The following RNF13 variants were observed in gnomAD, a reference collection of about 807,000 sequenced individuals.
RNF13 encodes E3 ubiquitin-protein ligase RNF13.
A neutral mutation model predicts 37.7 loss-of-function variants in RNF13; 19 were observed. That is an observed-to-expected ratio of 0.50 (90% CI 0.35 to 0.74). The LOEUF (loss-of-function observed/expected upper bound fraction) is 0.74, where lower values mean the gene tolerates loss of function less well. Ranked by LOEUF, RNF13 falls within the 30% of genes least tolerant of loss-of-function variation. The probability of loss-of-function intolerance (pLI) is 0.01; values close to 1 mark genes in which losing one functional copy is unlikely to be tolerated. For synonymous variants in RNF13, 144 were observed against 157.8 expected, an observed-to-expected ratio of 0.91 and a Z score of 0.65; for missense variants, 375 against 453.0, an observed-to-expected ratio of 0.83 and a Z score of 1.56.
chr3:149,814,420 G>A (rs1719211345), intron 1 of RNF13: 1 of 152,184 alleles, frequency 6.6e-6, no homozygotes, highest in African/African-American at 2.4e-5. Flanking sequence ...ACTGGACAGT[G>A]ATAGCAATTA....
chr3:149,958,676 ACTAT>A (rs1481314394), intron 8 of RNF13, among the ~76,000 whole-genome samples: 4 of 152,222 alleles, frequency 2.6e-5, no homozygotes, highest in Non-Finnish European at 4.4e-5. Context: ...GAATTGCATA[ACTAT>A]CTGTCCTCAA....
intron 3 of RNF13, among the ~76,000 whole-genome samples, chr3:149,860,384 A>G (rs1183114807): frequency 6.6e-6 from 1 of 151,080 alleles, no homozygotes; most frequent in African/African-American, 2.4e-5. Flanking sequence ...ACAAGGCTGT[A>G]AGAACCAAAA....
intron 8 of RNF13, among the ~76,000 whole-genome samples, chr3:149,931,152 T>G (rs1313783687): frequency 1.3e-5 from 2 of 152,040 alleles, no homozygotes; most frequent in Non-Finnish European, 2.9e-5. Context: ...CAGCCTCGAC[T>G]TCCCAGGCTC....
chr3:149,945,734 T>C (rs1720709239), intron 8 of RNF13, among the ~76,000 whole-genome samples: 1 of 152,118 alleles, frequency 6.6e-6, no homozygotes. Context: ...GGAGGAACAA[T>C]CTGGCAGCAC....
intron 4 of RNF13, among the ~76,000 whole-genome samples, chr3:149,889,204 T>C (rs1714389770): frequency 6.6e-6 from 1 of 151,232 alleles, no homozygotes; most frequent in Non-Finnish European, 1.5e-5. Context: ...CCCAAAGTGC[T>C]GGGATTACAG....
chr3:149,908,347 T>C (rs1252871398), intron 6 of RNF13, among the ~76,000 whole-genome samples: 1 of 152,086 alleles, frequency 6.6e-6, no homozygotes, highest in African/African-American at 2.4e-5. Context: ...AAATGAAGAG[T>C]TAGAACAAAG....
At chr3:149,853,922 C>T (rs1283579151) in intron 3 of RNF13, among the ~76,000 whole-genome samples, 2 of 150,766 alleles carry the variant, frequency 1.3e-5, no homozygotes, top group African/African-American at 2.4e-5. Flanking sequence ...CTGCAACGTC[C>T]GCCTTCTGGG....
At position 149,954,648 on chromosome 3, in the gene RNF13, G is replaced by A. The variant is rs143986710; in HGVS notation, c.701-5408G>A. Among the ~76,000 whole-genome samples, 7 of 152,246 alleles carry A rather than the reference G, an allele frequency of 4.6e-5. No individual in the cohort carries two copies. In the East Asian group the frequency reaches 1.3e-3, roughly 29 times the overall value. ...ACTTTCCTATTTACCACACTTTGGGGACAGGATCTTAAATCTTCCTATCTT... is the reference window on the plus strand; with the variant it reads ...ACTTTCCTATTTACCACACTTTGGGAACAGGATCTTAAATCTTCCTATCTT... On this transcript the variant is annotated intron_variant, in intron 8 of 9. Coordinates refer to ENST00000392894, the MANE Select transcript of RNF13 (RefSeq NM_183381.3).
In RNF13 at chr3:149,882,449, T is replaced by C. The variant is rs1043613557; in HGVS notation, c.321+10295T>C. On this transcript the variant is annotated intron_variant, in intron 4 of 9. Coordinates refer to ENST00000392894, the MANE Select transcript of RNF13 (RefSeq NM_183381.3). ...TATTTTTCTAGGCTTGAGATATACA[T>C]AAACAAAAAAGATTGTTCTTAAGGA... 2.0e-5 allele frequency among the ~76,000 whole-genome samples: 3 copies of C among 152,172 alleles called. No homozygotes were observed. The East Asian group carries it at 5.8e-4, about 29-fold the overall frequency.
At chr3:149,837,441 A>G (rs181389580) in intron 1 of RNF13, among the ~76,000 whole-genome samples, 134 of 152,208 alleles carry the variant, frequency 8.8e-4, no homozygotes, top group African/African-American at 3.2e-3. Context: ...CCTTTTTCAC[A>G]CTGCTGATAA....
intron 5 of RNF13, among the ~76,000 whole-genome samples, chr3:149,898,167 G>T (rs1019524251): frequency 1.3e-5 from 2 of 152,106 alleles, no homozygotes; most frequent in African/African-American, 4.8e-5. Flanking sequence ...ATGAGAGAAG[G>T]TATATGAGAA....
intron 6 of RNF13, among the ~76,000 whole-genome samples, chr3:149,904,288 G>T (rs1716170171): frequency 6.6e-6 from 1 of 152,066 alleles, no homozygotes; most frequent in African/African-American, 2.4e-5. Flanking sequence ...CTCAGAAGAA[G>T]AATATCAATG....
chr3:149,944,182 G>A (rs1218550894), intron 8 of RNF13, among the ~76,000 whole-genome samples: 1 of 152,194 alleles, frequency 6.6e-6, no homozygotes, highest in African/African-American at 2.4e-5. Context: ...ATTCCATGGT[G>A]TATATGTGCC....
chr3:149,862,461 A>G (rs1436138760), intron 3 of RNF13, among the ~76,000 whole-genome samples: 1 of 152,060 alleles, frequency 6.6e-6, no homozygotes, highest in Non-Finnish European at 1.5e-5. Flanking sequence ...TATCTTTCCT[A>G]TTTATGTTAT....
intron 3 of RNF13, among the ~76,000 whole-genome samples, chr3:149,870,062 G>C (rs1318185110): frequency 4.0e-5 from 6 of 151,736 alleles, no homozygotes; most frequent in Admixed American, 3.9e-4. Flanking sequence ...TTACAAAGGA[G>C]GGCTCTCCTT....
At chr3:149,920,790 CT>C (rs34551883) in intron 7 of RNF13, among the ~76,000 whole-genome samples, 2,652 of 123,992 alleles carry the variant, frequency 0.021, 82 homozygotes, top group African/African-American at 0.075. Context: ...CCTTCCCATT[CT>C]TTTTTTTTTT....
intron 1 of RNF13, among the ~76,000 whole-genome samples, chr3:149,817,728 C>A (rs933075891): frequency 3.3e-5 from 5 of 152,032 alleles, no homozygotes; most frequent in Admixed American, 3.3e-4. Flanking sequence ...GATGACAATA[C>A]CAATTCTGAG....
chr3:149,873,830 A>G (rs78522092), intron 4 of RNF13, among the ~76,000 whole-genome samples: 2,138 of 152,160 alleles, frequency 0.014, 26 homozygotes, highest in Middle Eastern at 0.02. Context: ...CATTGTTGTT[A>G]CTTTTTATTG....
chr3:149,960,414 A>AC (rs973480631), intron 9 of RNF13, among the ~76,000 whole-genome samples: 2 of 151,918 alleles, frequency 1.3e-5, no homozygotes, highest in African/African-American at 4.8e-5. Context: ...ACACAGTGAA[A>AC]CCCCGTCTCT....
Sources: allele counts gnomAD v4.1 joint callset (sites outside exome capture counted in the v4.1 genomes callset), GRCh38; gene constraint gnomAD v4.1.1; transcripts MANE v1.5; gene names NCBI Gene and HGNC (gene_info 2026-07-23, HGNC 2026-07-21).